Variants in P2RY8 observed in about 807,000 individuals in gnomAD.
P2RY8 encodes the protein P2Y receptor family member 8.
P2RY8 carries 6 observed loss-of-function variants against 10.0 expected under a neutral mutation model. The ratio of observed to expected loss-of-function variants is 0.60; its 90% CI spans 0.33 to 1.19. P2RY8 has a LOEUF of 1.19. Among genes scored for constraint, P2RY8 ranks in the 50% most tolerant of loss-of-function variants. The pLI is 0.04. For synonymous variants in P2RY8, 276 were observed against 252.5 expected (o/e 1.09, Z -0.88); for missense variants, 456 against 542.0 (o/e 0.84, Z 1.58).
chrX:1,464,746 A>G lies in P2RY8; in HGVS notation c.*733T>C, dbSNP rs1446329871. The G allele has an allele frequency of 3.9e-5, 9 of 233,218 alleles. No homozygotes were observed. The highest frequency in any genetic ancestry group is 2.0e-4 in the African/African-American group (9 of 45,306). 14.4% of individuals were successfully genotyped at this position (233,218 alleles called of 1,614,324 possible). ...GTGGGGTCCCACCAAGCCAGGCCAG[A>G]ACAAATGTGCCAAAAATCACCTTGG... On this transcript the variant is annotated 3_prime_UTR_variant, in exon 2 of 2. Transcript: ENST00000381297.
At chrX:1,503,566 G>T (rs2092199944) in intron 1 of P2RY8, among the ~76,000 whole-genome samples, 1 of 152,050 alleles carries the variant, frequency 6.6e-6, no homozygotes, top group South Asian at 2.1e-4. Context: ...TTCGAGACCA[G>T]CCTGGCCAAC....
Position 1,498,405 on chromosome X carries a change from C to CAA in P2RY8, c.-24-31825_-24-31824dup, listed in dbSNP as rs1175667773. ...TGGGCGACAGAGCGAGACTCTGTCT[C>CAA]AAAAAAAAAAAAAAAAAAGAAAAAG... On this transcript the variant is annotated intron_variant, in intron 1 of 1. Coordinates refer to ENST00000381297, the MANE Select transcript of P2RY8 (RefSeq NM_178129.5). Among the ~76,000 whole-genome samples, 164 of 70,428 alleles carry CAA rather than the reference C, an allele frequency of 2.3e-3. 5 individuals are homozygous for CAA. The highest frequency in any genetic ancestry group is 9.0e-3 in the Admixed American group (62 of 6,900). 46.2% of individuals were successfully genotyped at this position (70,428 alleles called of 152,430 possible). A position where few individuals can be genotyped will look rare whatever the true frequency, so the allele number is the denominator to read the frequency against.
chrX:1,523,810 G>T (rs2092410139), intron 1 of P2RY8, among the ~76,000 whole-genome samples: 1 of 152,138 alleles, frequency 6.6e-6, no homozygotes, highest in South Asian at 2.1e-4. Context: ...AGCCTCCCCA[G>T]TAGCTGGGAT....
At chrX:1,469,432 G>T (rs1338647509) in intron 1 of P2RY8, among the ~76,000 whole-genome samples, 7 of 151,978 alleles carry the variant, frequency 4.6e-5, no homozygotes, top group Non-Finnish European at 8.8e-5. Flanking sequence ...CTCCTAAAGT[G>T]CTGGGATGAC....
At position 1,463,534 on chromosome X, in the gene P2RY8, T is replaced by A; in HGVS notation, c.*1945A>T. The stretch of plus-strand genomic sequence containing the variant: ...AGGACACCTGTCATGGCATTTAGGG[T>A]GCTTAATAATCCAGCACAATCTCAT... On this transcript the variant is annotated 3_prime_UTR_variant, in exon 2 of 2. Transcript: ENST00000381297. 1 of 231,346 alleles carries A rather than the reference T, an allele frequency of 4.3e-6. No homozygotes were observed. The highest frequency in any genetic ancestry group is 6.1e-5 in the East Asian group (1 of 16,412). 14.3% of individuals were successfully genotyped at this position (231,346 alleles called of 1,614,324 possible). A position where few individuals can be genotyped will look rare whatever the true frequency, so the allele number is the denominator to read the frequency against.
chrX:1,522,053 G>C (rs1569538617), intron 1 of P2RY8, among the ~76,000 whole-genome samples: 2 of 138,302 alleles, frequency 1.4e-5, no homozygotes, highest in Non-Finnish European at 3.1e-5. Flanking sequence ...CCCGGGTTCA[G>C]GTGATTCTCC....
chrX:1,530,479 CCTAT>C (rs1382652582), intron 1 of P2RY8, among the ~76,000 whole-genome samples: 4 of 144,454 alleles, frequency 2.8e-5, no homozygotes, highest in African/African-American at 1.0e-4. Flanking sequence ...TATGTATCTA[CCTAT>C]CTAATCTATG....
chrX:1,470,467 C>A (rs2091770618), intron 1 of P2RY8, among the ~76,000 whole-genome samples: 1 of 151,624 alleles, frequency 6.6e-6, no homozygotes, highest in African/African-American at 2.4e-5. Context: ...TGCAGTGAGC[C>A]GAGATCACAC....
intron 1 of P2RY8, among the ~76,000 whole-genome samples, chrX:1,521,395 G>A (rs1416017737): frequency 2.6e-5 from 4 of 151,176 alleles, no homozygotes; most frequent in Non-Finnish European, 5.9e-5. Context: ...TAATATCTCT[G>A]GTCCCCAATA....
At chrX:1,486,166 G>A (rs766117771) in intron 1 of P2RY8, among the ~76,000 whole-genome samples, 101 of 152,262 alleles carry the variant, frequency 6.6e-4, no homozygotes, top group South Asian at 4.3e-3. Context: ...TGCAGTGAGC[G>A]GAGATCATGC....
intron 1 of P2RY8, among the ~76,000 whole-genome samples, chrX:1,470,375 T>C (rs2091769470): frequency 6.6e-6 from 1 of 151,710 alleles, no homozygotes; most frequent in South Asian, 2.1e-4. Flanking sequence ...ATTAACCGGG[T>C]GTTGTGGCAC....
At chrX:1,516,816 G>T (rs762677745) in intron 1 of P2RY8, among the ~76,000 whole-genome samples, 3 of 151,714 alleles carry the variant, frequency 2.0e-5, no homozygotes, top group Middle Eastern at 3.2e-3. Flanking sequence ...GACACAGGGG[G>T]AAGACGTCAT....
chrX:1,509,462 A>G (rs2092275594), intron 1 of P2RY8, among the ~76,000 whole-genome samples: 1 of 140,870 alleles, frequency 7.1e-6, no homozygotes, highest in Admixed American at 7.2e-5. Flanking sequence ...CTATCCATCC[A>G]TGTATGTGTC....
chrX:1,464,081 C>T lies in P2RY8; in HGVS notation c.*1398G>A, dbSNP rs1472845560. 3 of 233,182 alleles carry T rather than the reference C, an allele frequency of 1.3e-5. No homozygotes were observed. Among genetic ancestry groups the T allele is most frequent in the Admixed American group, 5.6e-5 (1 of 17,780 alleles). 14.4% of individuals were successfully genotyped at this position (233,182 alleles called of 1,614,324 possible). A position where few individuals can be genotyped will look rare whatever the true frequency, so the allele number is the denominator to read the frequency against. ...GAACAGCAGCTTCAGCCTCCATCAG[C>T]GTCCCCAGTGCACAGAAAGGGAGGG... is the stretch of plus-strand genomic sequence containing the variant. On this transcript the variant is annotated 3_prime_UTR_variant, in exon 2 of 2. Transcript: ENST00000381297.
intron 1 of P2RY8, among the ~76,000 whole-genome samples, chrX:1,484,653 G>A (rs745740971): frequency 4.0e-5 from 6 of 150,264 alleles, no homozygotes; most frequent in South Asian, 2.1e-4. Context: ...GCTGGAACCC[G>A]GGAGGCGGAG....
At chrX:1,532,729 C>T (rs1430561031) in intron 1 of P2RY8, among the ~76,000 whole-genome samples, 5 of 151,768 alleles carry the variant, frequency 3.3e-5, no homozygotes, top group Middle Eastern at 3.2e-3. Flanking sequence ...CGGCCGGATG[C>T]GGTGGCTCAC....
intron 1 of P2RY8, among the ~76,000 whole-genome samples, chrX:1,509,679 TCCA>T (rs1167191224): frequency 2.8e-5 from 4 of 144,092 alleles, no homozygotes; most frequent in Non-Finnish European, 6.0e-5. Flanking sequence ...CATCCATCCA[TCCA>T]TCCATCCATC....
intron 1 of P2RY8, among the ~76,000 whole-genome samples, chrX:1,486,762 C>T (rs1293804268): frequency 6.6e-6 from 1 of 152,230 alleles, no homozygotes; most frequent in African/African-American, 2.4e-5. Flanking sequence ...GCAGGAAGGA[C>T]ATTCCTCAGG....
intron 1 of P2RY8, among the ~76,000 whole-genome samples, chrX:1,500,781 T>G (rs2092171032): frequency 6.6e-6 from 1 of 152,064 alleles, no homozygotes; most frequent in Non-Finnish European, 1.5e-5. Context: ...AGAGGCCCAT[T>G]GCTCTGAGCC....
Sources: gnomAD v4.1 joint callset for allele counts (sites outside exome capture counted in the v4.1 genomes callset) on GRCh38, gnomAD v4.1.1 for gene constraint, MANE v1.5 for transcripts, NCBI Gene and HGNC (gene_info 2026-07-23, HGNC 2026-07-21) for gene names.